Variants in PRKN observed in about 807,000 individuals in gnomAD.
PRKN encodes the protein parkin RBR E3 ubiquitin protein ligase, also known as E3 ubiquitin-protein ligase parkin.
In PRKN, 56 loss-of-function variants were observed where a neutral mutation model predicts 59.5. The ratio of observed to expected loss-of-function variants is 0.94; its 90% CI spans 0.76 to 1.18. The LOEUF is 1.18. PRKN is among the 50% of genes most tolerant of loss of function. PRKN has a pLI of 0.00. For synonymous variants in PRKN, 250 were observed against 222.1 expected (o/e 1.13, Z -1.12); for missense variants, 657 against 596.4 (o/e 1.10, Z -1.06).
intron 7 of PRKN, among the ~76,000 whole-genome samples, chr6:161,731,614 A>G (rs6917048): frequency 0.13 from 20,005 of 152,242 alleles, 2,870 homozygotes; most frequent in African/African-American, 0.36. Flanking sequence ...TTGGAAATAT[A>G]AAACTGAATG....
At chr6:162,272,555 G>A (rs1232486123) in intron 2 of PRKN, among the ~76,000 whole-genome samples, 1 of 152,044 alleles carries the variant, frequency 6.6e-6, no homozygotes, top group Admixed American at 6.6e-5. Flanking sequence ...CAGGCACGTC[G>A]GGGAGGTCAG....
intron 4 of PRKN, among the ~76,000 whole-genome samples, chr6:162,055,662 A>G (rs1299197814): frequency 1.3e-5 from 2 of 152,116 alleles, no homozygotes; most frequent in Non-Finnish European, 2.9e-5. Context: ...GTATGAGGCC[A>G]CTGCCCAGTG....
rs576472711 is a variant in PRKN at position 161,578,913 on chromosome 6, T to C, written c.872-9497A>G. On this transcript the variant is annotated intron_variant, in intron 7 of 11. Coordinates refer to ENST00000366898, the MANE Select transcript of PRKN (RefSeq NM_004562.3). This position sits in a 1 kb window ranked among gnomAD's most constrained non-coding sequence, Gnocchi z 4.2. ...TCACCTTTGAATTTCATAAAGTTCT[T>C]CCTTTGTTATTGACCTATATTTTGA... is the stretch of plus-strand genomic sequence containing the variant. 1.3e-5 allele frequency among the ~76,000 whole-genome samples: 2 copies of C among 152,382 alleles called. No homozygotes were observed. Among genetic ancestry groups the C allele is most frequent in the South Asian group, 4.1e-4 (2 of 4,832 alleles).
At chr6:162,158,680 C>G (rs939111459) in intron 4 of PRKN, among the ~76,000 whole-genome samples, 4 of 151,970 alleles carry the variant, frequency 2.6e-5, no homozygotes, top group African/African-American at 9.7e-5. Flanking sequence ...ATCCGCCCGC[C>G]TTGGCCTTCC....
intron 1 of PRKN, among the ~76,000 whole-genome samples, chr6:162,490,309 A>G (rs1792747942): frequency 6.6e-6 from 1 of 152,196 alleles, no homozygotes; most frequent in Non-Finnish European, 1.5e-5. Context: ...ATTTACTTCT[A>G]AACCACCAGG....
At chr6:162,599,151 G>C (rs1287889253) in intron 1 of PRKN, among the ~76,000 whole-genome samples, 1 of 152,116 alleles carries the variant, frequency 6.6e-6, no homozygotes, top group Non-Finnish European at 1.5e-5. Flanking sequence ...CACCAGAAAA[G>C]CTGGCTCGGT....
rs563688127 is a variant in PRKN at position 162,508,661 on chromosome 6, C to T, written c.8-65188G>A. ...AGCCATGAGGCCCCAGGGTTAGGGGCTCTCTTTAAGGCCTCTCAGACTCTT... is the reference window on the plus strand; with the variant it reads ...AGCCATGAGGCCCCAGGGTTAGGGGTTCTCTTTAAGGCCTCTCAGACTCTT... On this transcript the variant is annotated intron_variant, in intron 1 of 11. Coordinates refer to ENST00000366898, the MANE Select transcript of PRKN (RefSeq NM_004562.3). Among the ~76,000 whole-genome samples the T allele has an allele frequency of 3.8e-4, 58 of 152,244 alleles. 1 individual carries two copies. In the South Asian group the frequency reaches 0.012, roughly 32 times the overall value.
chr6:162,584,747 T>A (rs1780939244), intron 1 of PRKN, among the ~76,000 whole-genome samples: 1 of 146,548 alleles, frequency 6.8e-6, no homozygotes, highest in Non-Finnish European at 1.5e-5. Context: ...CCTTTCTGGG[T>A]TTCTTTCTTT....
chr6:161,816,307 A>G (rs1175100807), intron 6 of PRKN, among the ~76,000 whole-genome samples: 1 of 152,044 alleles, frequency 6.6e-6, no homozygotes, highest in Non-Finnish European at 1.5e-5. Context: ...ATGGTAACTA[A>G]TCTATGGGGA....
chr6:162,345,337 A>C (rs1784352695), intron 2 of PRKN, among the ~76,000 whole-genome samples: 1 of 152,212 alleles, frequency 6.6e-6, no homozygotes, highest in Non-Finnish European at 1.5e-5. Flanking sequence ...TAAGAAACCC[A>C]TCATGTACTC....
intron 3 of PRKN, among the ~76,000 whole-genome samples, chr6:162,235,744 A>T (rs1778628188): frequency 6.6e-6 from 1 of 151,776 alleles, no homozygotes; most frequent in African/African-American, 2.4e-5. Flanking sequence ...TGGAGGTTGC[A>T]GGGAGCCGAG....
At chr6:162,556,342 G>GGGGGGTGTGTGTGTGTGTGTGT (rs1175202893) in intron 1 of PRKN, among the ~76,000 whole-genome samples, 1 of 57,300 alleles carries the variant, frequency 1.7e-5, no homozygotes, top group Non-Finnish European at 3.3e-5. Flanking sequence ...CTACTCAGCT[G>GGGGGGTGTGTGTGTGTGTGTGT]GTGTGTGTGT....
At chr6:161,723,876 G>A (rs893420106) in intron 7 of PRKN, among the ~76,000 whole-genome samples, 1 of 152,054 alleles carries the variant, frequency 6.6e-6, no homozygotes, top group Non-Finnish European at 1.5e-5. Flanking sequence ...CTGCCCTCAC[G>A]GCCTCAACAG....
rs527972470 is a variant in PRKN, at chr6:162,175,940, T to C, written c.534+25191A>G. On this transcript the variant is annotated intron_variant, in intron 4 of 11. Transcript: ENST00000366898. The stretch of plus-strand genomic sequence containing the variant: ...GCCAGGCTGTGAGTGCTCTCCACCA[T>C]GTAGCCTTCACTGACAGAAAATCTG... Among the ~76,000 whole-genome samples, 11 of 152,348 alleles carry C rather than the reference T, an allele frequency of 7.2e-5. No individual in the cohort carries two copies. In the South Asian group the frequency reaches 1.7e-3, roughly 23 times the overall value.
chr6:161,664,917 T>C lies in PRKN; in HGVS notation c.872-95501A>G, dbSNP rs1168069328. On this transcript the variant is annotated intron_variant, in intron 7 of 11. Transcript: ENST00000366898. ...GATTCTTCTGCCTCAGCCTCCCGAGTAGCTGGGATTACAGGTGTGCACCAG... is the reference window on the plus strand; with the variant it reads ...GATTCTTCTGCCTCAGCCTCCCGAGCAGCTGGGATTACAGGTGTGCACCAG... Among the ~76,000 whole-genome samples the C allele has an allele frequency of 2.0e-5, 3 of 151,606 alleles. No individual in the cohort carries two copies. The South Asian group carries it at 6.2e-4, about 31-fold the overall frequency.
intron 6 of PRKN, among the ~76,000 whole-genome samples, chr6:161,845,418 A>G (rs1793161744): frequency 6.6e-6 from 1 of 152,216 alleles, no homozygotes; most frequent in Admixed American, 6.5e-5. Context: ...AGAGCTGGTC[A>G]TGAACAAGAC....
rs1032734680 is a variant in PRKN, at chr6:162,727,748, C to A, written c.-80G>T. Reference sequence around the variant, plus strand: ...CGCCAGCCGCGCCTCCCACCAGCGGCTCTCCTGGGTTAAATCCTCCAGGCC... The same window carrying A: ...CGCCAGCCGCGCCTCCCACCAGCGGATCTCCTGGGTTAAATCCTCCAGGCC... On this transcript the variant is annotated 5_prime_UTR_variant, in exon 1 of 12. Coordinates refer to ENST00000366898, the MANE Select transcript of PRKN (RefSeq NM_004562.3). 2.1e-6 allele frequency: 3 copies of A among 1,448,606 alleles called. No homozygotes were observed. The highest frequency in any genetic ancestry group is 1.9e-6 in the Non-Finnish European group (2 of 1,055,420). The allele number at this position is 1,448,606 out of a possible 1,614,324, so 89.7% of individuals were successfully genotyped here. A position where few individuals can be genotyped will look rare whatever the true frequency, so the allele number is the denominator to read the frequency against.
intron 1 of PRKN, among the ~76,000 whole-genome samples, chr6:162,451,367 T>TAAA (rs140082933): frequency 0.18 from 18,518 of 104,260 alleles, 1,529 homozygotes; most frequent in East Asian, 0.23. Context: ...CTTAAAGGAG[T>TAAA]AAAAAAAAAA....
rs1309557689 is a variant in PRKN, at chr6:161,546,379, A to G, written c.1083+2475T>C. 6.6e-6 allele frequency among the ~76,000 whole-genome samples: 1 copy of G among 152,176 alleles called. No homozygotes were observed. Among genetic ancestry groups the G allele is most frequent in the Non-Finnish European group, 1.5e-5 (1 of 68,038 alleles). On this transcript the variant is annotated intron_variant, in intron 9 of 11. Transcript: ENST00000366898. This position sits in a 1 kb window ranked among gnomAD's most constrained non-coding sequence, Gnocchi z 4.4. ...CGCCACCCTTTTTAAATCACTGTGG[A>G]ATTCCTTTAGCATTCAAGTTAGGTG...
Sources: gnomAD v4.1 joint callset for allele counts (sites outside exome capture counted in the v4.1 genomes callset) on GRCh38, gnomAD v4.1.1 for gene constraint, Gnocchi (gnomAD v3.1) non-coding constraint, MANE v1.5 for transcripts, NCBI Gene and HGNC (gene_info 2026-07-23, HGNC 2026-07-21) for gene names.